The following PAK3 variants were observed in gnomAD, a reference collection of about 807,000 sequenced individuals.
PAK3 encodes the protein p21 (RAC1) activated kinase 3.
In PAK3, 4 loss-of-function variants were observed where a neutral mutation model predicts 41.0. That is an observed-to-expected ratio of 0.10 (90% confidence interval 0.05 to 0.22). The LOEUF (loss-of-function observed/expected upper bound fraction) is 0.22, where lower values mean the gene tolerates loss of function less well. PAK3 is among the 10% of genes least tolerant of loss of function. The pLI is 1.00. For synonymous variants in PAK3, 146 were observed against 139.6 expected (o/e 1.05, Z -0.32); for missense variants, 205 against 409.9 (o/e 0.50, Z 4.32).
At chrX:111,063,439 T>A (rs2092674508) in intron 1 of PAK3, among the ~76,000 whole-genome samples, 2 of 111,672 alleles carry the variant, frequency 1.8e-5, no homozygotes, top group African/African-American at 6.6e-5. Flanking sequence ...AAGAGCCCCA[T>A]CTTATTCCAT....
At chrX:111,075,531 C>T (rs980029680) in intron 1 of PAK3, among the ~76,000 whole-genome samples, 4 of 112,804 alleles carry the variant, frequency 3.5e-5, no homozygotes, top group African/African-American at 1.3e-4. Flanking sequence ...GGCTTGGTGA[C>T]TTCCACCTAG....
intron 16 of PAK3, among the ~76,000 whole-genome samples, chrX:111,197,146 TTAGCTCCCACTTACGA>T (rs1202165379): frequency 3.6e-5 from 4 of 111,291 alleles, no homozygotes; most frequent in South Asian, 3.8e-4. Flanking sequence ...TACTCAATGT[TTAGCTCCCACTTACGA>T]GTGAACATGC....
intron 1 of PAK3, among the ~76,000 whole-genome samples, chrX:110,971,978 C>T (rs977888742): frequency 2.3e-4 from 26 of 110,919 alleles, no homozygotes; most frequent in African/African-American, 2.3e-4. Context: ...GAAAATCAAA[C>T]GGCCATAAGT....
At chrX:111,010,809 G>A (rs922923868) in intron 1 of PAK3, among the ~76,000 whole-genome samples, 3 of 111,732 alleles carry the variant, frequency 2.7e-5, no homozygotes, top group Non-Finnish European at 5.6e-5. Flanking sequence ...CAAGCCTTAG[G>A]CATTTCTTTA....
chrX:111,220,530 C>T lies in PAK3; in HGVS notation c.*83C>T, dbSNP rs1057515731. 1.3e-5 allele frequency: 8 copies of T among 638,199 alleles called. No individual in the cohort carries two copies. The highest frequency in any genetic ancestry group is 3.0e-4 in the Middle Eastern group (1 of 3,302). The allele number at this position is 638,199 out of a possible 1,213,427, so 52.6% of individuals were successfully genotyped here. ...GCTGCAGGAAAGATGGAAGAAAAGA[C>T]AGTCAAATGGGGTGGGGGTTCTTTA... is the stretch of plus-strand genomic sequence containing the variant. On this transcript the variant is annotated 3_prime_UTR_variant, in exon 18 of 18. Coordinates refer to ENST00000372007, the MANE Select transcript of PAK3 (RefSeq NM_002578.5).
chrX:111,097,523 C>T (rs1194320058), intron 2 of PAK3, 52 bp from the exon 3 acceptor site: 2 of 109,791 alleles, frequency 1.8e-5, no homozygotes, highest in Non-Finnish European at 3.8e-5. Context: ...AAACGGCTTT[C>T]AGCAGGGAAG....
chrX:111,029,766 G>A (rs763716583), intron 1 of PAK3, among the ~76,000 whole-genome samples: 1 of 111,737 alleles, frequency 8.9e-6, no homozygotes, highest in East Asian at 2.8e-4. Context: ...ATGGCACTTC[G>A]TGTGGATCTC....
At chrX:111,029,545 G>C (rs917824370) in intron 1 of PAK3, among the ~76,000 whole-genome samples, 75 of 111,706 alleles carry the variant, frequency 6.7e-4, no homozygotes, top group African/African-American at 2.2e-3. Flanking sequence ...TATCAAGAAA[G>C]TCATGAGGAA....
intron 1 of PAK3, among the ~76,000 whole-genome samples, chrX:111,055,641 A>G (rs1205223651): frequency 8.9e-6 from 1 of 112,150 alleles, no homozygotes; most frequent in African/African-American, 3.2e-5. Context: ...GAGCAGAACC[A>G]CACCTACTTT....
In PAK3 at chrX:111,220,945, C is replaced by CAAAAAAAAAAAAAAAAAAAAAAAAAAGCA; in HGVS notation, c.*515_*516insAAAAAAAAAGCAAAAAAAAAAAAAAAAAA. The CAAAAAAAAAAAAAAAAAAAAAAAAAAGCA allele has an allele frequency of 2.0e-5, 1 of 49,449 alleles. No individual in the cohort carries two copies. Among genetic ancestry groups the CAAAAAAAAAAAAAAAAAAAAAAAAAAGCA allele is most frequent in the African/African-American group, 8.5e-5 (1 of 11,725 alleles). 4.1% of individuals were successfully genotyped at this position (49,449 alleles called of 1,213,427 possible). A position where few individuals can be genotyped will look rare whatever the true frequency, so the allele number is the denominator to read the frequency against. On this transcript the variant is annotated 3_prime_UTR_variant, in exon 18 of 18. Coordinates refer to ENST00000372007, the MANE Select transcript of PAK3 (RefSeq NM_002578.5). ...AAAAAAGAAAGCAAAAAAAGCAAGG[C>CAAAAAAAAAAAAAAAAAAAAAAAAAAGCA]AAAAAAAAAAAAAAAAACAAACAAA...
chrX:111,088,392 A>C (rs1032956840), intron 1 of PAK3, among the ~76,000 whole-genome samples: 38 of 111,817 alleles, frequency 3.4e-4, no homozygotes, highest in African/African-American at 1.2e-3. Context: ...TGCATGCTGG[A>C]CGTCTATGTA....
chrX:110,949,227 G>T (rs747855281), intron 1 of PAK3, among the ~76,000 whole-genome samples: 1 of 111,286 alleles, frequency 9.0e-6, no homozygotes, highest in South Asian at 3.9e-4. Context: ...TGCAGTTTTA[G>T]CAGAGGGATA....
At chrX:111,090,008 T>A (rs1268420731) in intron 1 of PAK3, among the ~76,000 whole-genome samples, 1 of 110,667 alleles carries the variant, frequency 9.0e-6, no homozygotes, top group Non-Finnish European at 1.9e-5. Context: ...ATTTCTAATG[T>A]ACCACAAAGA....
intron 11 of PAK3, among the ~76,000 whole-genome samples, chrX:111,187,110 C>G (rs777902436): frequency 8.5e-4 from 95 of 111,598 alleles, no homozygotes; most frequent in Admixed American, 1.5e-3. Flanking sequence ...CTTTATTAAG[C>G]AAAAAATACA....
chrX:111,090,599 A>G (rs959681597), intron 1 of PAK3, among the ~76,000 whole-genome samples: 8 of 111,509 alleles, frequency 7.2e-5, no homozygotes, highest in Admixed American at 2.8e-4. Flanking sequence ...TGTGGTTATC[A>G]GGAGCAGACA....
At chrX:111,187,479 C>G (rs1215444904) in intron 11 of PAK3, among the ~76,000 whole-genome samples, 2 of 111,271 alleles carry the variant, frequency 1.8e-5, no homozygotes, top group Non-Finnish European at 1.9e-5. Context: ...ATTACTTACC[C>G]AGAGTCTGAC....
chrX:111,025,286 A>G (rs917197601), intron 1 of PAK3, among the ~76,000 whole-genome samples: 1 of 111,215 alleles, frequency 9.0e-6, no homozygotes, highest in Non-Finnish European at 1.9e-5. Flanking sequence ...CAAAGAAATA[A>G]CGAAGATCAG....
Position 110,999,119 on chromosome X carries a change from G to A in PAK3, c.-28+54491G>A, listed in dbSNP as rs370094975. ...AGTGTGCCAAAAGAGATGCCCCTTT[G>A]CATCATCACCATTCTCTGGTCCTGA... On this transcript the variant is annotated intron_variant, in intron 1 of 14. Transcript: ENST00000425146. Among the ~76,000 whole-genome samples the A allele has an allele frequency of 4.5e-5, 5 of 111,969 alleles. No individual in the cohort carries two copies. The South Asian group carries it at 1.1e-3, about 25-fold the overall frequency.
chrX:111,180,939 G>A (rs2094455794), intron 11 of PAK3, among the ~76,000 whole-genome samples: 1 of 111,856 alleles, frequency 8.9e-6, no homozygotes, highest in Non-Finnish European at 1.9e-5. Flanking sequence ...GAATTGTTAT[G>A]TAAAAGGATA....
Sources: gnomAD v4.1 joint callset for allele counts (sites outside exome capture counted in the v4.1 genomes callset) on GRCh38, gnomAD v4.1.1 for gene constraint, MANE v1.5 for transcripts, NCBI Gene and HGNC (gene_info 2026-07-23, HGNC 2026-07-21) for gene names.